CLIC4: variants seen among roughly 807,000 people sequenced by gnomAD.
The protein encoded by CLIC4 is CLIC family member 4.
CLIC4 carries 13 observed loss-of-function variants against 24.6 expected under a neutral mutation model. The observed-to-expected ratio is 0.53, with a 90% CI of 0.34 to 0.84. CLIC4 has a LOEUF of 0.84. Ranked by LOEUF, CLIC4 falls within the 40% of genes least tolerant of loss-of-function variation. CLIC4 has a pLI of 0.01. For missense variants in CLIC4, 227 were observed against 301.7 expected, an observed-to-expected ratio of 0.75 and a Z score of 1.83; for synonymous variants, 104 against 111.3, an observed-to-expected ratio of 0.93 and a Z score of 0.41.
At chr1:24,767,853 A>T (rs3120831) in intron 1 of CLIC4, among the ~76,000 whole-genome samples, 100,852 of 150,190 alleles carry the variant, frequency 0.67, 34,052 homozygotes, top group Admixed American at 0.71. Flanking sequence ...ATATATATAT[A>T]TTTTTTTTGG....
At chr1:24,757,061 A>G (rs1246696859) in intron 1 of CLIC4, among the ~76,000 whole-genome samples, 1 of 151,936 alleles carries the variant, frequency 6.6e-6, no homozygotes, top group Non-Finnish European at 1.5e-5. Context: ...ACACCCAGCT[A>G]ATTTTGTATT....
intron 2 of CLIC4, chr1:24,798,080 TCATGAGTAG>T: frequency 2.6e-6 from 1 of 384,682 alleles, no homozygotes; most frequent in Non-Finnish European, 4.7e-6. Context: ...ACCTTAAATT[TCATGAGTAG>T]CACTAGGAGC....
intron 3 of CLIC4, among the ~76,000 whole-genome samples, chr1:24,822,982 T>G (rs1414452755): frequency 1.3e-5 from 2 of 152,194 alleles, no homozygotes; most frequent in Non-Finnish European, 2.9e-5. Flanking sequence ...ATTGCTAGTC[T>G]TCTTCAGGCT....
chr1:24,798,633 C>G (rs1042561657), intron 2 of CLIC4, among the ~76,000 whole-genome samples: 9 of 152,096 alleles, frequency 5.9e-5, no homozygotes, highest in African/African-American at 2.2e-4. Flanking sequence ...ATTGCTCTTC[C>G]TCTCCCTCTC....
intron 4 of CLIC4, among the ~76,000 whole-genome samples, chr1:24,829,836 G>C (rs1392846477): frequency 6.6e-6 from 1 of 152,160 alleles, no homozygotes; most frequent in Admixed American, 6.5e-5. Flanking sequence ...GAAGTCAGAG[G>C]ATGGTTGTGC....
chr1:24,773,288 T>C (rs1351428807), intron 1 of CLIC4, among the ~76,000 whole-genome samples: 1 of 152,212 alleles, frequency 6.6e-6, no homozygotes, highest in African/African-American at 2.4e-5. Flanking sequence ...GAGAACTTGA[T>C]GAACAGAAAT....
In CLIC4 at chr1:24,781,087, C is replaced by T. The variant is rs367843979; in HGVS notation, c.73-16655C>T. Among the ~76,000 whole-genome samples, 133 of 61,970 alleles carry T rather than the reference C, an allele frequency of 2.1e-3. 8 individuals are homozygous for T. The South Asian group carries it at 0.07, about 33-fold the overall frequency. 40.7% of individuals were successfully genotyped at this position (61,970 alleles called of 152,430 possible). On this transcript the variant is annotated intron_variant, in intron 1 of 5. Coordinates refer to ENST00000374379, the MANE Select transcript of CLIC4 (RefSeq NM_013943.3). ...CGGCAACAAGAGTGAAACTCCATCT[C>T]AAAAAAAAAAAAAAAAAAGAAAGAA...
chr1:24,808,759 C>A (rs1639582594), intron 2 of CLIC4, among the ~76,000 whole-genome samples: 1 of 151,722 alleles, frequency 6.6e-6, no homozygotes, highest in African/African-American at 2.4e-5. Context: ...TCACTGCAAC[C>A]TCCGCCTCTC....
In CLIC4 at chr1:24,843,157, G is replaced by T. The variant is rs1290029101; in HGVS notation, c.*2220G>T. 8 of 152,158 alleles carry T rather than the reference G, an allele frequency of 5.3e-5. No individual in the cohort carries two copies. Among genetic ancestry groups the T allele is most frequent in the Admixed American group, 3.3e-4 (5 of 15,270 alleles). The allele number at this position is 152,158 out of a possible 1,614,324, so 9.4% of individuals were successfully genotyped here. ...AAGGCATGTCTATTGTGATTTTGATGAAGACAGAATTATTTTTCTCTGTAG... is the reference window on the plus strand; with the variant it reads ...AAGGCATGTCTATTGTGATTTTGATTAAGACAGAATTATTTTTCTCTGTAG... On this transcript the variant is annotated 3_prime_UTR_variant, in exon 6 of 6. Transcript: ENST00000374379.
Position 24,843,592 on chromosome 1 carries a change from C to T in CLIC4, c.*2655C>T, listed in dbSNP as rs1639965056. ...CTTTTTTGATGTAGATGCAGATATTCTATACAGTTCTGTTGTCTTTTACTA... is the reference window on the plus strand; with the variant it reads ...CTTTTTTGATGTAGATGCAGATATTTTATACAGTTCTGTTGTCTTTTACTA... On this transcript the variant is annotated 3_prime_UTR_variant, in exon 6 of 6. Coordinates refer to ENST00000374379, the MANE Select transcript of CLIC4 (RefSeq NM_013943.3). 6.6e-6 allele frequency: 1 copy of T among 152,110 alleles called. No homozygotes were observed. The highest frequency in any genetic ancestry group is 1.5e-5 in the Non-Finnish European group (1 of 67,996). The allele number at this position is 152,110 out of a possible 1,614,324, so 9.4% of individuals were successfully genotyped here. A position where few individuals can be genotyped will look rare whatever the true frequency, so the allele number is the denominator to read the frequency against.
chr1:24,797,632 ATG>A, intron 1 of CLIC4, 108 bp from the exon 2 acceptor site: 4 of 670,860 alleles, frequency 6.0e-6, no homozygotes, highest in Non-Finnish European at 9.9e-6. Flanking sequence ...TCCTTCCACA[ATG>A]TAACTTTTCC....
chr1:24,841,820 T>A lies in CLIC4; in HGVS notation c.*883T>A, dbSNP rs910442187. 1 of 152,626 alleles carries A rather than the reference T, an allele frequency of 6.6e-6. No individual in the cohort carries two copies. Among genetic ancestry groups the A allele is most frequent in the Non-Finnish European group, 1.5e-5 (1 of 68,032 alleles). The allele number at this position is 152,626 out of a possible 1,614,324, so 9.5% of individuals were successfully genotyped here. On this transcript the variant is annotated 3_prime_UTR_variant, in exon 6 of 6. Coordinates refer to ENST00000374379, the MANE Select transcript of CLIC4 (RefSeq NM_013943.3). ...TAGAGCTTGCTATTTGTACATCTGT[T>A]GAGCAACACTACATAACTGATTTTT...
chr1:24,819,194 G>T (rs1639701681), intron 3 of CLIC4, among the ~76,000 whole-genome samples: 1 of 151,838 alleles, frequency 6.6e-6, no homozygotes, highest in South Asian at 2.1e-4. Context: ...TATCCTTCCT[G>T]CCCTTCTAAG....
intron 4 of CLIC4, among the ~76,000 whole-genome samples, chr1:24,838,329 A>G (rs986504924): frequency 4.6e-5 from 7 of 152,052 alleles, no homozygotes; most frequent in Non-Finnish European, 1.0e-4. Context: ...CCCTTTCTCC[A>G]TATTCACTTT....
At chr1:24,820,626 A>G (rs569321119) in intron 3 of CLIC4, among the ~76,000 whole-genome samples, 10 of 152,256 alleles carry the variant, frequency 6.6e-5, no homozygotes, top group African/African-American at 2.4e-4. Flanking sequence ...TTGCTCTCAG[A>G]CACTAACTGA....
chr1:24,781,087 CAAAAAA>C (rs1228000908), intron 1 of CLIC4, among the ~76,000 whole-genome samples: 1 of 61,958 alleles, frequency 1.6e-5, no homozygotes, highest in African/African-American at 7.1e-5. Flanking sequence ...AACTCCATCT[CAAAAAA>C]AAAAAAAAAA....
At chr1:24,823,573 G>T (rs1342049300) in intron 3 of CLIC4, among the ~76,000 whole-genome samples, 2 of 152,174 alleles carry the variant, frequency 1.3e-5, no homozygotes, top group African/African-American at 4.8e-5. Flanking sequence ...AGCAGTTTGA[G>T]ACCAGCCTGA....
At chr1:24,787,008 C>T (rs1486705873) in intron 1 of CLIC4, among the ~76,000 whole-genome samples, 3 of 152,036 alleles carry the variant, frequency 2.0e-5, no homozygotes, top group African/African-American at 4.8e-5. Flanking sequence ...GCAGCCTTGA[C>T]CTGCCAGGCT....
At chr1:24,811,419 C>G (rs960737599) in intron 2 of CLIC4, among the ~76,000 whole-genome samples, 1 of 152,174 alleles carries the variant, frequency 6.6e-6, no homozygotes, top group African/African-American at 2.4e-5. Flanking sequence ...GTGAAAGGGT[C>G]TCCTGGCTTA....
Sources: allele counts gnomAD v4.1 joint callset (sites outside exome capture counted in the v4.1 genomes callset), GRCh38; gene constraint gnomAD v4.1.1; transcripts MANE v1.5; gene names NCBI Gene and HGNC (gene_info 2026-07-23, HGNC 2026-07-21).